Variants in C1orf21 observed in about 807,000 individuals in gnomAD.
C1orf21 encodes chromosome 1 open reading frame 21.
In C1orf21, 3 loss-of-function variants were observed where a neutral mutation model predicts 18.7. The ratio of observed to expected loss-of-function variants is 0.16; its 90% confidence interval spans 0.07 to 0.42. The LOEUF (loss-of-function observed/expected upper bound fraction) is 0.42, where lower values mean the gene tolerates loss of function less well. Ranked by LOEUF, C1orf21 falls within the 10% of genes least tolerant of loss-of-function variation. The probability of loss-of-function intolerance (pLI) is 0.99; values close to 1 mark genes in which losing one functional copy is unlikely to be tolerated. For missense variants in C1orf21, 104 were observed against 143.6 expected, an observed-to-expected ratio of 0.72 and a Z score of 1.41; for synonymous variants, 41 against 46.4, an observed-to-expected ratio of 0.88 and a Z score of 0.47.
chr1:184,616,084 A>G (rs144144691), intron 5 of C1orf21, among the ~76,000 whole-genome samples: 2 of 152,304 alleles, frequency 1.3e-5, no homozygotes, highest in African/African-American at 4.8e-5. Flanking sequence ...TATCCTTTGC[A>G]CAAGGTAATC....
At chr1:184,571,296 C>CAAAAA (rs66868646) in intron 3 of C1orf21, among the ~76,000 whole-genome samples, 178 of 84,760 alleles carry the variant, frequency 2.1e-3, no homozygotes, top group Non-Finnish European at 2.8e-3. Context: ...GACTCCGTCT[C>CAAAAA]AAAAAAAAAA....
chr1:184,614,041 G>A (rs966998942), intron 5 of C1orf21, among the ~76,000 whole-genome samples: 1 of 152,172 alleles, frequency 6.6e-6, no homozygotes, highest in Non-Finnish European at 1.5e-5. Flanking sequence ...AGCAGGAGAA[G>A]CCAGCCAGGA....
intron 3 of C1orf21, among the ~76,000 whole-genome samples, chr1:184,547,747 T>C (rs540934241): frequency 4.9e-4 from 74 of 152,340 alleles, no homozygotes; most frequent in Non-Finnish European, 7.6e-4. Context: ...AATGAGCATA[T>C]CCCATCCTTT....
chr1:184,396,384 A>C (rs1357009578), intron 1 of C1orf21, among the ~76,000 whole-genome samples: 1 of 152,144 alleles, frequency 6.6e-6, no homozygotes, highest in Non-Finnish European at 1.5e-5. Flanking sequence ...CAGAAGAAGG[A>C]TTTAGGAAGC....
At chr1:184,388,928 T>C (rs1018165650) in intron 1 of C1orf21, among the ~76,000 whole-genome samples, 2 of 152,192 alleles carry the variant, frequency 1.3e-5, no homozygotes, top group Non-Finnish European at 2.9e-5. Context: ...AGAGCTGGAT[T>C]GTAGGATCAA....
intron 1 of C1orf21, among the ~76,000 whole-genome samples, chr1:184,447,863 G>T (rs1271157772): frequency 1.3e-5 from 2 of 152,080 alleles, no homozygotes. Flanking sequence ...GACATCAGTG[G>T]CTGATAATAT....
chr1:184,482,596 G>C (rs1557983544), intron 2 of C1orf21, among the ~76,000 whole-genome samples: 1 of 152,166 alleles, frequency 6.6e-6, no homozygotes. Flanking sequence ...ACCGAATAAA[G>C]TGACCTTATT....
At chr1:184,547,123 TC>T (rs1378301512) in intron 3 of C1orf21, among the ~76,000 whole-genome samples, 5 of 152,214 alleles carry the variant, frequency 3.3e-5, no homozygotes, top group African/African-American at 9.6e-5. Flanking sequence ...CCTGGGATAT[TC>T]CAGGAACTGA....
At chr1:184,556,724 G>A (rs1417332047) in intron 3 of C1orf21, among the ~76,000 whole-genome samples, 1 of 152,166 alleles carries the variant, frequency 6.6e-6, no homozygotes, top group East Asian at 1.9e-4. Context: ...GGTGATATCT[G>A]TATCATATGA....
At chr1:184,562,888 GGGGTAGTT>G (rs1382260282) in intron 3 of C1orf21, among the ~76,000 whole-genome samples, 1 of 152,162 alleles carries the variant, frequency 6.6e-6, no homozygotes, top group Non-Finnish European at 1.5e-5. Context: ...TATAGACTTT[GGGGTAGTT>G]CTGCCTATTG....
chr1:184,543,905 C>T (rs1658693160), intron 3 of C1orf21, among the ~76,000 whole-genome samples: 2 of 151,940 alleles, frequency 1.3e-5, no homozygotes, highest in South Asian at 4.1e-4. Flanking sequence ...TTATTCTCAC[C>T]AGGAACTAAA....
chr1:184,481,517 T>A (rs1466802080), intron 2 of C1orf21, among the ~76,000 whole-genome samples: 2 of 152,128 alleles, frequency 1.3e-5, no homozygotes, highest in Non-Finnish European at 2.9e-5. Context: ...CACAGTGCAT[T>A]TACAGCAAGG....
At chr1:184,494,941 A>C (rs751217645) in intron 2 of C1orf21, among the ~76,000 whole-genome samples, 1 of 151,656 alleles carries the variant, frequency 6.6e-6, no homozygotes, top group Non-Finnish European at 1.5e-5. Flanking sequence ...TTCAGTTTCC[A>C]GGGCTCAGCT....
chr1:184,591,618 A>G (rs1659437662), intron 4 of C1orf21, among the ~76,000 whole-genome samples: 1 of 152,108 alleles, frequency 6.6e-6, no homozygotes, highest in South Asian at 2.1e-4. Flanking sequence ...CATCCTGGCT[A>G]ACACGATGAA....
rs745336202 is a variant in C1orf21, at chr1:184,507,718, G to T, written c.189+36G>T. ...ATTTTCTCACTTAACAATGAATTTT[G>T]GTGACACTATTGTAATAAAATCTGC... On this transcript the variant is annotated intron_variant, in intron 3 of 5. Coordinates refer to ENST00000235307, the MANE Select transcript of C1orf21 (RefSeq NM_030806.4). 9.9e-6 allele frequency: 15 copies of T among 1,518,326 alleles called. No individual in the cohort carries two copies. In the South Asian group the frequency reaches 1.2e-4, roughly 12 times the overall value. The allele number at this position is 1,518,326 out of a possible 1,614,324, so 94.1% of individuals were successfully genotyped here.
intron 3 of C1orf21, among the ~76,000 whole-genome samples, chr1:184,579,813 A>G (rs1659252273): frequency 6.6e-6 from 1 of 152,082 alleles, no homozygotes; most frequent in Non-Finnish European, 1.5e-5. Flanking sequence ...CCAGCCCAAG[A>G]TTTTCTTAAA....
At chr1:184,519,610 AAC>A (rs1175795541) in intron 3 of C1orf21, among the ~76,000 whole-genome samples, 1 of 152,206 alleles carries the variant, frequency 6.6e-6, no homozygotes, top group Non-Finnish European at 1.5e-5. Flanking sequence ...CCAGAACAAT[AAC>A]ACAGTGGTGT....
At chr1:184,533,317 C>T (rs558256949) in intron 3 of C1orf21, among the ~76,000 whole-genome samples, 2 of 152,220 alleles carry the variant, frequency 1.3e-5, no homozygotes, top group African/African-American at 2.4e-5. Context: ...ATATCATAAT[C>T]GTAATTAAAG....
chr1:184,494,597 A>G (rs1311746822), intron 2 of C1orf21, among the ~76,000 whole-genome samples: 1 of 152,134 alleles, frequency 6.6e-6, no homozygotes, highest in Non-Finnish European at 1.5e-5. Flanking sequence ...TCATTAGAGC[A>G]TATTGTATCT....
Sources: allele counts gnomAD v4.1 joint callset (sites outside exome capture counted in the v4.1 genomes callset), GRCh38; gene constraint gnomAD v4.1.1; transcripts MANE v1.5; gene names NCBI Gene and HGNC (gene_info 2026-07-23, HGNC 2026-07-21).